The following TBL1X variants were observed in gnomAD, a reference collection of about 807,000 sequenced individuals.
The protein encoded by TBL1X is F-box-like/WD repeat-containing protein TBL1X.
A neutral mutation model predicts 50.7 loss-of-function variants in TBL1X; 10 were observed. The observed-to-expected ratio is 0.20, with a 90% CI of 0.12 to 0.33. The LOEUF (loss-of-function observed/expected upper bound fraction) is 0.33, where lower values mean the gene tolerates loss of function less well. Ranked by LOEUF, TBL1X falls within the 10% of genes least tolerant of loss-of-function variation. The pLI, the probability that TBL1X is intolerant of heterozygous loss-of-function variation, is 1.00. For missense variants in TBL1X, 340 were observed against 504.4 expected (o/e 0.67, Z 3.12); for synonymous variants, 190 against 214.7 (o/e 0.88, Z 1.01).
At chrX:9,704,877 C>G in intron 12 of TBL1X, 116 bp from the exon 13 acceptor site, 1 of 1,113,224 alleles carries the variant, frequency 9.0e-7, no homozygotes, top group Non-Finnish European at 1.2e-6. Flanking sequence ...GGCCCTGTCT[C>G]TAGAATAAAT....
intron 3 of TBL1X, among the ~76,000 whole-genome samples, chrX:9,649,691 A>G (rs1434780724): frequency 1.8e-5 from 2 of 111,896 alleles, no homozygotes; most frequent in African/African-American, 6.5e-5. Context: ...ACATGCAGAG[A>G]CACCTGTATT....
intron 2 of TBL1X, among the ~76,000 whole-genome samples, chrX:9,574,899 G>A (rs1332541529): frequency 3.6e-5 from 4 of 112,106 alleles, no homozygotes; most frequent in Non-Finnish European, 5.6e-5. Flanking sequence ...GACTCCCTCC[G>A]AGGGTGTTTT....
intron 6 of TBL1X, among the ~76,000 whole-genome samples, chrX:9,686,289 T>C (rs912068519): frequency 8.9e-6 from 1 of 112,026 alleles, no homozygotes; most frequent in Non-Finnish European, 1.9e-5. Context: ...CTCATTGCCT[T>C]CTACCTCTCA....
intron 2 of TBL1X, among the ~76,000 whole-genome samples, chrX:9,617,296 G>C (rs1209546745): frequency 9.0e-6 from 1 of 111,379 alleles, no homozygotes; most frequent in Non-Finnish European, 1.9e-5. Context: ...TCCTTCCACA[G>C]AGCATTCTCT....
chrX:9,501,065 C>CT (rs1177596381), intron 1 of TBL1X, among the ~76,000 whole-genome samples: 3 of 111,498 alleles, frequency 2.7e-5, no homozygotes, highest in Non-Finnish European at 5.7e-5. Flanking sequence ...CCCCAATCCT[C>CT]TTTCATTTTC....
At chrX:9,469,984 A>G (rs1208263618) in intron 1 of TBL1X, among the ~76,000 whole-genome samples, 2 of 112,790 alleles carry the variant, frequency 1.8e-5, no homozygotes, top group African/African-American at 6.4e-5. Flanking sequence ...CACATTTTGC[A>G]CTGTAGATGT....
intron 2 of TBL1X, among the ~76,000 whole-genome samples, chrX:9,586,249 C>T (rs1319624059): frequency 8.9e-6 from 1 of 112,462 alleles, no homozygotes; most frequent in East Asian, 2.8e-4. Flanking sequence ...CCACATGTCC[C>T]TCAGCAGATG....
At chrX:9,472,563 A>G (rs1380224761) in intron 1 of TBL1X, among the ~76,000 whole-genome samples, 1 of 109,036 alleles carries the variant, frequency 9.2e-6, no homozygotes, top group Non-Finnish European at 1.9e-5. Flanking sequence ...AAGTGCTGCG[A>G]TTACAGTTGT....
intron 6 of TBL1X, among the ~76,000 whole-genome samples, chrX:9,685,717 C>CTTTTTTTTT (rs752837096): frequency 1.8e-4 from 11 of 59,598 alleles, no homozygotes; most frequent in Non-Finnish European, 2.9e-4. Context: ...CTTTTCTTTT[C>CTTTTTTTTT]TTTTTTTTTT....
At chrX:9,590,511 A>T (rs1162111575) in intron 2 of TBL1X, among the ~76,000 whole-genome samples, 2 of 112,183 alleles carry the variant, frequency 1.8e-5, no homozygotes, top group African/African-American at 6.5e-5. Flanking sequence ...GATGTGGATC[A>T]AAACAAATCT....
At chrX:9,626,014 G>A (rs759950348) in intron 2 of TBL1X, among the ~76,000 whole-genome samples, 2 of 111,886 alleles carry the variant, frequency 1.8e-5, no homozygotes, top group Admixed American at 1.9e-4. Flanking sequence ...AGACGACCTG[G>A]GATCATTCCT....
intron 2 of TBL1X, among the ~76,000 whole-genome samples, chrX:9,531,498 G>A (rs1194131970): frequency 9.2e-6 from 1 of 108,558 alleles, no homozygotes; most frequent in Non-Finnish European, 1.9e-5. Context: ...GGTTTGTAAA[G>A]CTGTTACCTG....
intron 2 of TBL1X, among the ~76,000 whole-genome samples, chrX:9,634,778 C>T (rs2082737757): frequency 8.9e-6 from 1 of 111,783 alleles, no homozygotes; most frequent in African/African-American, 3.3e-5. Context: ...GAAGAGCATG[C>T]CTTGGCAAAC....
At chrX:9,517,295 G>T (rs2082085251) in intron 2 of TBL1X, among the ~76,000 whole-genome samples, 1 of 111,076 alleles carries the variant, frequency 9.0e-6, no homozygotes. Context: ...TTGAACTGTG[G>T]ATTCCTTCCC....
At chrX:9,672,941 G>A (rs1323054922) in intron 5 of TBL1X, among the ~76,000 whole-genome samples, 1 of 112,026 alleles carries the variant, frequency 8.9e-6, no homozygotes, top group Non-Finnish European at 1.9e-5. Flanking sequence ...CAACATCAAG[G>A]TGTGGGAGAT....
intron 2 of TBL1X, chrX:9,636,527 C>CAACCAT (rs1041145002): frequency 7.4e-5 from 8 of 108,069 alleles, no homozygotes; most frequent in African/African-American, 2.0e-4. Flanking sequence ...ACAACAACAA[C>CAACCAT]CATGTATGGT....
intron 14 of TBL1X, 83 bp downstream of exon 14, chrX:9,709,405 A>C (rs2083230649): frequency 9.4e-7 from 1 of 1,066,925 alleles, no homozygotes; most frequent in Non-Finnish European, 1.3e-6. Flanking sequence ...TCACTCTTAC[A>C]TGAGGATTAT....
intron 2 of TBL1X, among the ~76,000 whole-genome samples, chrX:9,624,585 A>G (rs73188211): frequency 0.018 from 2,031 of 112,144 alleles, 23 homozygotes; most frequent in Non-Finnish European, 0.03. Flanking sequence ...AAGCAGAATT[A>G]AATTCTATTT....
chrX:9,575,224 G>A (rs1412964448), intron 2 of TBL1X, among the ~76,000 whole-genome samples: 1 of 110,772 alleles, frequency 9.0e-6, no homozygotes, highest in Non-Finnish European at 1.9e-5. Context: ...GCCATCACAA[G>A]AACAGCATGG....
Sources: gnomAD v4.1 joint callset for allele counts (sites outside exome capture counted in the v4.1 genomes callset) on GRCh38, gnomAD v4.1.1 for gene constraint, MANE v1.5 for transcripts, NCBI Gene and HGNC (gene_info 2026-07-23, HGNC 2026-07-21) for gene names.